The following TMPRSS15 variants were observed in gnomAD, a reference collection of about 807,000 sequenced individuals.
The protein encoded by TMPRSS15 is enteropeptidase.
In TMPRSS15, 128 loss-of-function variants were observed where a neutral mutation model predicts 125.3. That is an observed-to-expected ratio of 1.02 (90% CI 0.89 to 1.18). The LOEUF (loss-of-function observed/expected upper bound fraction) is 1.18. Ranked by LOEUF, TMPRSS15 falls within the 50% of genes most tolerant of loss-of-function variation. The pLI is 0.00. For missense variants in TMPRSS15, 1,283 were observed against 1,212.7 expected (o/e 1.06, Z -0.86); for synonymous variants, 446 against 423.2 (o/e 1.05, Z -0.66).
chr21:18,323,127 A>AT (rs1242836229), intron 16 of TMPRSS15, among the ~76,000 whole-genome samples: 2 of 151,982 alleles, frequency 1.3e-5, no homozygotes, highest in Admixed American at 1.3e-4. Flanking sequence ...CTCCTTTCTC[A>AT]TTTTCAACTT....
intron 18 of TMPRSS15, among the ~76,000 whole-genome samples, chr21:18,300,286 CTCTTTCTT>C (rs567969792): frequency 8.4e-6 from 1 of 118,386 alleles, no homozygotes; most frequent in Non-Finnish European, 2.0e-5. Flanking sequence ...CTTTCTCTCT[CTCTTTCTT>C]TCTCTCTCTC....
chr21:18,300,908 G>T (rs899798012), intron 18 of TMPRSS15, among the ~76,000 whole-genome samples: 1 of 151,954 alleles, frequency 6.6e-6, no homozygotes, highest in Non-Finnish European at 1.5e-5. Context: ...TTCAAATGCT[G>T]CTCCAGGGTG....
At chr21:18,308,598 C>CT (rs33940921) in intron 18 of TMPRSS15, among the ~76,000 whole-genome samples, 49 of 148,684 alleles carry the variant, frequency 3.3e-4, no homozygotes, top group South Asian at 2.6e-3. Flanking sequence ...TACACTGAGA[C>CT]TTTTTTTTTT....
At chr21:18,378,159 A>T (rs1372563611) in intron 5 of TMPRSS15, among the ~76,000 whole-genome samples, 2 of 152,136 alleles carry the variant, frequency 1.3e-5, no homozygotes, top group African/African-American at 4.8e-5. Context: ...ATTTTTCAAA[A>T]TATATTTAGC....
At chr21:18,405,153 C>G (rs2076141213), upstream of TMPRSS15, among the ~76,000 whole-genome samples, 1 of 152,032 alleles carries the variant, frequency 6.6e-6, no homozygotes, top group Admixed American at 6.6e-5. Flanking sequence ...AGTTACATTT[C>G]TTTTGACTTT....
intron 1 of TMPRSS15, among the ~76,000 whole-genome samples, chr21:18,458,249 G>A (rs574825125): frequency 2.0e-4 from 30 of 152,292 alleles, no homozygotes; most frequent in Non-Finnish European, 3.5e-4. Context: ...TGGGGAATTA[G>A]GGAGCTCAAG....
intron 3 of TMPRSS15, among the ~76,000 whole-genome samples, chr21:18,385,954 A>G (rs2075940357): frequency 6.6e-6 from 1 of 152,152 alleles, no homozygotes; most frequent in Non-Finnish European, 1.5e-5. Context: ...CATGTTGGCC[A>G]GGATGGTCTC....
At chr21:18,395,269 T>C (rs2076024405) in intron 3 of TMPRSS15, among the ~76,000 whole-genome samples, 1 of 152,130 alleles carries the variant, frequency 6.6e-6, no homozygotes, top group Non-Finnish European at 1.5e-5. Flanking sequence ...CTTCACTCTG[T>C]CTTGAGTACT....
intron 8 of TMPRSS15, among the ~76,000 whole-genome samples, chr21:18,358,796 C>G (rs1424555211): frequency 6.6e-6 from 1 of 151,872 alleles, no homozygotes; most frequent in Non-Finnish European, 1.5e-5. Context: ...AGTAGAGTAT[C>G]ACACAACAAT....
chr21:18,287,886 A>T (rs184395196), intron 21 of TMPRSS15, among the ~76,000 whole-genome samples: 1 of 152,318 alleles, frequency 6.6e-6, no homozygotes, highest in African/African-American at 2.4e-5. Context: ...ACCAAAGTCA[A>T]TATTACTAAC....
chr21:18,341,852 C>T (rs549307944), intron 12 of TMPRSS15, among the ~76,000 whole-genome samples: 3 of 152,238 alleles, frequency 2.0e-5, no homozygotes, highest in African/African-American at 7.2e-5. Context: ...ATGATATTGT[C>T]ATATTCCATT....
chr21:18,446,416 T>C (rs1038236403), intron 1 of TMPRSS15, among the ~76,000 whole-genome samples: 2 of 152,062 alleles, frequency 1.3e-5, no homozygotes, highest in East Asian at 1.9e-4. Context: ...CCTATCAAAA[T>C]ACCAAGAAAG....
At chr21:18,457,117 G>A (rs936657430) in intron 1 of TMPRSS15, among the ~76,000 whole-genome samples, 1 of 152,020 alleles carries the variant, frequency 6.6e-6, no homozygotes, top group South Asian at 2.1e-4. Context: ...ATTGTGAAAT[G>A]CATAGTAATT....
At chr21:18,288,522 C>T (rs1220415577) in intron 21 of TMPRSS15, among the ~76,000 whole-genome samples, 1 of 141,898 alleles carries the variant, frequency 7.0e-6, no homozygotes, top group Admixed American at 7.6e-5. Flanking sequence ...TAAGAAAATG[C>T]TCTTCCTTTT....
chr21:18,362,238 A>C (rs1416096106), intron 7 of TMPRSS15, among the ~76,000 whole-genome samples: 1 of 152,150 alleles, frequency 6.6e-6, no homozygotes, highest in East Asian at 1.9e-4. Context: ...TGCTGGTGAG[A>C]CCTTTAGAGA....
rs909868545 is a variant in TMPRSS15, at chr21:18,324,611, A to G, written c.1921+1821T>C. Among the ~76,000 whole-genome samples the G allele has an allele frequency of 3.3e-5, 5 of 152,320 alleles. No homozygotes were observed. In the East Asian group the frequency reaches 5.8e-4, roughly 18 times the overall value. On this transcript the variant is annotated intron_variant, in intron 16 of 24. Transcript: ENST00000284885. The stretch of plus-strand genomic sequence containing the variant: ...TATCAGGAGCCAAATATTATATAAT[A>G]ATTTAAAAAATTAGGGTCATAATTT...
At chr21:18,429,423 C>T (rs2076211553) in intron 1 of TMPRSS15, among the ~76,000 whole-genome samples, 1 of 151,966 alleles carries the variant, frequency 6.6e-6, no homozygotes, top group African/African-American at 2.4e-5. Context: ...GTTCTGTGTC[C>T]CCACCCAAAT....
chr21:18,274,498 A>G (rs953732921), intron 24 of TMPRSS15, among the ~76,000 whole-genome samples: 1 of 152,226 alleles, frequency 6.6e-6, no homozygotes, highest in Non-Finnish European at 1.5e-5. Flanking sequence ...TACGTGGGTA[A>G]GAGTTTTTTC....
At chr21:18,438,919 T>A (rs983794450) in intron 1 of TMPRSS15, among the ~76,000 whole-genome samples, 11 of 152,236 alleles carry the variant, frequency 7.2e-5, no homozygotes, top group African/African-American at 2.4e-4. Context: ...AACATTCTTT[T>A]GTTTTCCATA....
Sources: allele counts gnomAD v4.1 joint callset (sites outside exome capture counted in the v4.1 genomes callset), GRCh38; gene constraint gnomAD v4.1.1; transcripts MANE v1.5; gene names NCBI Gene and HGNC (gene_info 2026-07-23, HGNC 2026-07-21).